The following EYS variants were observed in gnomAD, a reference collection of about 807,000 sequenced individuals.
EYS encodes protein eyes shut homolog.
Under a neutral mutation model 282.1 loss-of-function variants are expected in EYS, and 250 were observed. The observed-to-expected ratio is 0.89, with a 90% CI of 0.80 to 0.98. The LOEUF (loss-of-function observed/expected upper bound fraction) is 0.98. Ranked by LOEUF, EYS falls within the 50% of genes least tolerant of loss-of-function variation. The pLI, the probability that EYS is intolerant of heterozygous loss-of-function variation, is 0.00. For synonymous variants in EYS, 1,355 were observed against 1,282.9 expected, an observed-to-expected ratio of 1.06 and a Z score of -1.20; for missense variants, 4,016 against 3,709.0, an observed-to-expected ratio of 1.08 and a Z score of -2.15.
rs185786592 is a variant in EYS, at chr6:64,516,012, G to A, written c.5644+74211C>T. Among the ~76,000 whole-genome samples the A allele has an allele frequency of 1.2e-3, 186 of 151,732 alleles. 1 individual carries two copies. Among genetic ancestry groups the A allele is most frequent in the Non-Finnish European group, 2.4e-3 (161 of 67,794 alleles). ...ATTCCAGCTTTTAAAAGTCACCTAA[G>A]ATGTAATTAATTTATAATAATTACA... On this transcript the variant is annotated intron_variant, in intron 26 of 42. Coordinates refer to ENST00000503581, the MANE Select transcript of EYS (RefSeq NM_001142800.2).
chr6:64,929,793 T>A (rs1303911325), intron 15 of EYS, among the ~76,000 whole-genome samples: 2 of 152,284 alleles, frequency 1.3e-5, no homozygotes, highest in African/African-American at 4.8e-5. Context: ...TGGCAACGTA[T>A]GTATGATTAT....
chr6:64,846,232 C>G (rs140004287), intron 19 of EYS, among the ~76,000 whole-genome samples: 3 of 152,042 alleles, frequency 2.0e-5, no homozygotes, highest in Non-Finnish European at 4.4e-5. Context: ...TTATGTCAAG[C>G]CTTTCATTAA....
At chr6:64,429,012 T>C (rs1277358699) in intron 28 of EYS, among the ~76,000 whole-genome samples, 5 of 152,198 alleles carry the variant, frequency 3.3e-5, no homozygotes, top group Middle Eastern at 3.4e-3. Context: ...AGACGACTTA[T>C]AGACTGACAT....
At chr6:64,301,362 A>G (rs1222186696) in intron 30 of EYS, among the ~76,000 whole-genome samples, 2 of 152,212 alleles carry the variant, frequency 1.3e-5, no homozygotes, top group African/African-American at 4.8e-5. Flanking sequence ...TCAAGGAAAC[A>G]GAACAGACCA....
intron 14 of EYS, among the ~76,000 whole-genome samples, chr6:64,963,937 T>A (rs1318536011): frequency 1.3e-5 from 2 of 152,164 alleles, no homozygotes; most frequent in African/African-American, 2.4e-5. Flanking sequence ...TATGTTGTAC[T>A]TTTTTATTAG....
At chr6:64,665,684 C>A (rs578165075) in intron 22 of EYS, among the ~76,000 whole-genome samples, 1 of 152,154 alleles carries the variant, frequency 6.6e-6, no homozygotes, top group Non-Finnish European at 1.5e-5. Context: ...TTCAATTGAA[C>A]CAATTGTCAC....
chr6:65,381,870 T>A (rs1765625641), intron 8 of EYS, among the ~76,000 whole-genome samples: 1 of 152,000 alleles, frequency 6.6e-6, no homozygotes, highest in Non-Finnish European at 1.5e-5. Flanking sequence ...ATCAGAATTT[T>A]ATGATTTCTG....
chr6:64,279,494 TGTAAG>T, intron 30 of EYS, among the ~76,000 whole-genome samples: 1 of 151,980 alleles, frequency 6.6e-6, no homozygotes, highest in South Asian at 2.1e-4. Context: ...TCTATCCACT[TGTAAG>T]GGTAAGGTGA....
intron 26 of EYS, among the ~76,000 whole-genome samples, chr6:64,442,846 G>A (rs1389602881): frequency 2.5e-5 from 2 of 80,100 alleles, no homozygotes; most frequent in Non-Finnish European, 5.8e-5. Flanking sequence ...CCAGGCAGGA[G>A]TTTGCTATAG....
chr6:64,063,328 G>A (rs775433655), intron 33 of EYS, among the ~76,000 whole-genome samples: 4 of 151,934 alleles, frequency 2.6e-5, no homozygotes, highest in Non-Finnish European at 5.9e-5. Flanking sequence ...TTAAACTCAC[G>A]ATCTTCTCAA....
At chr6:65,366,191 C>A (rs76275816) in intron 8 of EYS, among the ~76,000 whole-genome samples, 1 of 151,618 alleles carries the variant, frequency 6.6e-6, no homozygotes, top group Non-Finnish European at 1.5e-5. Context: ...TTCCTGTCTG[C>A]GTTAGAAATG....
chr6:65,597,169 T>C (rs965068093), intron 2 of EYS, among the ~76,000 whole-genome samples: 3 of 152,098 alleles, frequency 2.0e-5, no homozygotes, highest in Admixed American at 6.6e-5. Context: ...GAGAAAAAAA[T>C]GCTGGTTAGA....
In EYS at chr6:64,388,848, C is replaced by G. The variant is rs1339309007; in HGVS notation, c.5928-8G>C. Reference sequence around the variant, plus strand: ...CATGGATCCAATTCTTGCCTGTAACCATTTAAGAAAGAAATGGTTTTAGTA... The same window carrying G: ...CATGGATCCAATTCTTGCCTGTAACGATTTAAGAAAGAAATGGTTTTAGTA... On this transcript the variant is annotated splice_region_variant and splice_polypyrimidine_tract_variant and intron_variant, in intron 28 of 42. Transcript: ENST00000503581. 5 of 1,475,040 alleles carry G rather than the reference C, an allele frequency of 3.4e-6. No homozygotes were observed. Among genetic ancestry groups the G allele is most frequent in the Non-Finnish European group, 4.5e-6 (5 of 1,112,104 alleles). The allele number at this position is 1,475,040 out of a possible 1,614,324, so 91.4% of individuals were successfully genotyped here.
intron 27 of EYS, among the ~76,000 whole-genome samples, chr6:64,437,839 A>G (rs1478746690): frequency 6.6e-6 from 1 of 151,514 alleles, no homozygotes; most frequent in Non-Finnish European, 1.5e-5. Flanking sequence ...GCATTTAAAG[A>G]AAGTCAAACT....
intron 41 of EYS, among the ~76,000 whole-genome samples, chr6:63,756,261 G>A (rs1769480997): frequency 6.6e-6 from 1 of 152,052 alleles, no homozygotes; most frequent in Non-Finnish European, 1.5e-5. Context: ...ATTGTCTGTG[G>A]GTTTGTCATA....
At chr6:64,451,130 AAG>A (rs1170021302) in intron 26 of EYS, among the ~76,000 whole-genome samples, 5 of 152,168 alleles carry the variant, frequency 3.3e-5, no homozygotes, top group African/African-American at 1.2e-4. Flanking sequence ...TAAGGAAGAA[AAG>A]AGAGAAGAAT....
At chr6:64,003,989 T>G (rs1582114700) in intron 33 of EYS, among the ~76,000 whole-genome samples, 1 of 152,158 alleles carries the variant, frequency 6.6e-6, no homozygotes, top group South Asian at 2.1e-4. Flanking sequence ...ACCTCTTTCC[T>G]CTATAAATTA....
At chr6:65,123,754 C>CACACACA (rs1554157066) in intron 12 of EYS, among the ~76,000 whole-genome samples, 6 of 86,912 alleles carry the variant, frequency 6.9e-5, no homozygotes, top group African/African-American at 3.3e-4. Flanking sequence ...TAACACCCAC[C>CACACACA]CACCCACACA....
At chr6:64,046,003 T>A (rs1204191968) in intron 33 of EYS, among the ~76,000 whole-genome samples, 2 of 147,580 alleles carry the variant, frequency 1.4e-5, no homozygotes, top group African/African-American at 4.9e-5. Context: ...ACTTTGTATA[T>A]GTAATCTATA....
Sources: allele counts gnomAD v4.1 joint callset (sites outside exome capture counted in the v4.1 genomes callset), GRCh38; gene constraint gnomAD v4.1.1; transcripts MANE v1.5; gene names NCBI Gene and HGNC (gene_info 2026-07-23, HGNC 2026-07-21).